Variants in ANGPT2 observed in about 807,000 individuals in gnomAD.
ANGPT2 encodes angiopoietin-2.
ANGPT2 carries 28 observed loss-of-function variants against 62.9 expected under a neutral mutation model. The observed-to-expected ratio is 0.44, with a 90% CI of 0.33 to 0.61. The LOEUF is 0.61. Among genes scored for constraint, ANGPT2 ranks in the 20% least tolerant of loss-of-function variants. The probability of loss-of-function intolerance (pLI) is 0.03; values close to 1 mark genes in which losing one functional copy is unlikely to be tolerated. For synonymous variants in ANGPT2, 284 were observed against 207.8 expected (o/e 1.37, Z -3.15); for missense variants, 727 against 594.9 (o/e 1.22, Z -2.31).
At position 6,501,320 on chromosome 8, in the gene ANGPT2, T is replaced by C. The variant is rs1812131408; in HGVS notation, c.*1781A>G. On this transcript the variant is annotated 3_prime_UTR_variant, in exon 9 of 9. Transcript: ENST00000629816. ...TAAAGAAAAAATAATGGTAGAACAC[T>C]GTAAGGTGAAGACAGACATATAGTA... is the stretch of plus-strand genomic sequence containing the variant. 1 of 152,184 alleles carries C rather than the reference T, an allele frequency of 6.6e-6. No individual in the cohort carries two copies. Among genetic ancestry groups the C allele is most frequent in the Non-Finnish European group, 1.5e-5 (1 of 68,028 alleles). The allele number at this position is 152,184 out of a possible 1,614,324, so 9.4% of individuals were successfully genotyped here.
At position 6,501,350 on chromosome 8, in the gene ANGPT2, C is replaced by G. The variant is rs1812139091; in HGVS notation, c.*1751G>C. On this transcript the variant is annotated 3_prime_UTR_variant, in exon 9 of 9. Transcript: ENST00000629816. ...GGTGAAGACAGACATATAGTAGATG[C>G]TAGTTACAGACTGGACTCTGAACTT... is the stretch of plus-strand genomic sequence containing the variant. The G allele has an allele frequency of 1.3e-5, 2 of 152,128 alleles. No homozygotes were observed. The highest frequency in any genetic ancestry group is 4.1e-4 in the South Asian group (2 of 4,822). The allele number at this position is 152,128 out of a possible 1,614,324, so 9.4% of individuals were successfully genotyped here.
At chr8:6,506,768 C>A (rs1221205588) in intron 8 of ANGPT2, among the ~76,000 whole-genome samples, 1 of 148,830 alleles carries the variant, frequency 6.7e-6, no homozygotes, top group Non-Finnish European at 1.5e-5. Context: ...TCTCAGGAAC[C>A]AGAGGATTGC....
intron 1 of ANGPT2, among the ~76,000 whole-genome samples, chr8:6,536,166 T>G (rs1820450281): frequency 6.6e-6 from 1 of 152,208 alleles, no homozygotes; most frequent in Admixed American, 6.5e-5. Flanking sequence ...CAGGTACTCT[T>G]TAAAAACAAG....
chr8:6,504,365 G>A (rs190780362), intron 8 of ANGPT2, among the ~76,000 whole-genome samples: 27 of 148,748 alleles, frequency 1.8e-4, no homozygotes, highest in African/African-American at 5.4e-4. Context: ...ATTGCATGCC[G>A]TTCTGAGTAA....
chr8:6,529,597 T>C (rs1868552), intron 2 of ANGPT2, among the ~76,000 whole-genome samples: 102,002 of 149,526 alleles, frequency 0.68, 35,114 homozygotes, highest in Non-Finnish European at 0.72. Flanking sequence ...ACTGGGTCTA[T>C]AAGTGCACAC....
intron 7 of ANGPT2, among the ~76,000 whole-genome samples, chr8:6,512,289 G>T (rs893748062): frequency 6.6e-6 from 1 of 152,124 alleles, no homozygotes; most frequent in African/African-American, 2.4e-5. Flanking sequence ...CCGCTTCTCC[G>T]TGCTGCCCAC....
chr8:6,542,950 C>T (rs1783832469), intron 1 of ANGPT2, among the ~76,000 whole-genome samples: 1 of 152,046 alleles, frequency 6.6e-6, no homozygotes, highest in Non-Finnish European at 1.5e-5. Context: ...TTTTGCTGTC[C>T]TTTATAAGGC....
intron 2 of ANGPT2, among the ~76,000 whole-genome samples, chr8:6,531,002 T>C (rs888631238): frequency 1.3e-4 from 20 of 151,990 alleles, no homozygotes; most frequent in Non-Finnish European, 2.5e-4. Flanking sequence ...ATCTGCTCTT[T>C]TTTTAAAAGT....
At chr8:6,534,178 G>A (rs951972050) in intron 1 of ANGPT2, among the ~76,000 whole-genome samples, 1 of 151,736 alleles carries the variant, frequency 6.6e-6, no homozygotes, top group Non-Finnish European at 1.5e-5. Flanking sequence ...CCACATCTAC[G>A]GGTTCAACCA....
Position 6,505,366 on chromosome 8 carries a change from T to TAGAA in ANGPT2, c.1328-2109_1328-2106dup, listed in dbSNP as rs1563306532. On this transcript the variant is annotated intron_variant, in intron 8 of 8. Transcript: ENST00000629816. ...TATATATATTCTTTCTATATGTATA[T>TAGAA]AGAATATATATATTCTTTCTATATG... 1.1e-3 allele frequency among the ~76,000 whole-genome samples: 84 copies of TAGAA among 79,552 alleles called. 3 individuals carry two copies. The highest frequency in any genetic ancestry group is 7.3e-3 in the Admixed American group (50 of 6,854). 52.2% of individuals were successfully genotyped at this position (79,552 alleles called of 152,430 possible).
intron 2 of ANGPT2, among the ~76,000 whole-genome samples, chr8:6,531,013 AT>A (rs1457028781): frequency 6.6e-6 from 1 of 150,726 alleles, no homozygotes; most frequent in Non-Finnish European, 1.5e-5. Flanking sequence ...TTTTAAAAGT[AT>A]TCCTTATAGC....
chr8:6,552,241 C>T (rs1056698695), intron 1 of ANGPT2, among the ~76,000 whole-genome samples: 16 of 152,168 alleles, frequency 1.1e-4, no homozygotes, highest in Admixed American at 9.2e-4. Flanking sequence ...CATGCAGAAG[C>T]AGCATTGCTT....
intron 8 of ANGPT2, among the ~76,000 whole-genome samples, chr8:6,506,469 T>G (rs1813751232): frequency 6.6e-6 from 1 of 152,194 alleles, no homozygotes; most frequent in Non-Finnish European, 1.5e-5. Flanking sequence ...AATGCAATTC[T>G]CCTACTCTCC....
At chr8:6,549,164 G>A (rs1400165310) in intron 1 of ANGPT2, among the ~76,000 whole-genome samples, 2 of 152,182 alleles carry the variant, frequency 1.3e-5, no homozygotes, top group African/African-American at 4.8e-5. Context: ...TGATACATGG[G>A]TTTGTACAGT....
intron 3 of ANGPT2, among the ~76,000 whole-genome samples, chr8:6,524,125 C>A (rs1817897616): frequency 6.6e-6 from 1 of 152,160 alleles, no homozygotes; most frequent in African/African-American, 2.4e-5. Flanking sequence ...CATTTTCCTT[C>A]CAATATAAAG....
At chr8:6,524,154 G>C (rs919499559) in intron 3 of ANGPT2, among the ~76,000 whole-genome samples, 2 of 152,086 alleles carry the variant, frequency 1.3e-5, no homozygotes, top group African/African-American at 2.4e-5. Context: ...ACATGAATTT[G>C]CACATTGCAG....
At chr8:6,509,475 G>T (rs750810738) in intron 7 of ANGPT2, among the ~76,000 whole-genome samples, 5 of 152,180 alleles carry the variant, frequency 3.3e-5, no homozygotes, top group African/African-American at 4.8e-5. Context: ...GGGGGCCCCG[G>T]GGGGGATGGA....
intron 1 of ANGPT2, among the ~76,000 whole-genome samples, chr8:6,541,417 G>T (rs2959820): frequency 0.81 from 123,320 of 151,906 alleles, 50,242 homozygotes; most frequent in Middle Eastern, 0.86. Context: ...GAGGAGAGGA[G>T]AGGAAAAGCA....
Position 6,532,532 on chromosome 8 carries a change from G to A in ANGPT2, c.289-45C>T, listed in dbSNP as rs200586534. ...GAAGGCAGTCATTAGTCAAATGACC[G>A]GAAACCTGATTCCTAAATGTTTGTC... is the stretch of plus-strand genomic sequence containing the variant. On this transcript the variant is annotated intron_variant, in intron 1 of 8. Coordinates refer to ENST00000629816, the MANE Select transcript of ANGPT2 (RefSeq NM_001118887.2). 100 of 1,452,446 alleles carry A rather than the reference G, an allele frequency of 6.9e-5. 1 individual carries two copies. The highest frequency in any genetic ancestry group is 1.2e-4 in the South Asian group (8 of 67,072). The allele number at this position is 1,452,446 out of a possible 1,614,324, so 90.0% of individuals were successfully genotyped here. A position where few individuals can be genotyped will look rare whatever the true frequency, so the allele number is the denominator to read the frequency against.
Sources: gnomAD v4.1 joint callset for allele counts (sites outside exome capture counted in the v4.1 genomes callset) on GRCh38, gnomAD v4.1.1 for gene constraint, MANE v1.5 for transcripts, NCBI Gene and HGNC (gene_info 2026-07-23, HGNC 2026-07-21) for gene names.